Variants in MEF2A observed in about 807,000 individuals in gnomAD.
The protein encoded by MEF2A is myocyte enhancer factor 2A.
MEF2A carries 28 observed loss-of-function variants against 55.8 expected under a neutral mutation model. The observed-to-expected ratio is 0.50, with a 90% CI of 0.37 to 0.69. The LOEUF is 0.69. MEF2A is among the 30% of genes least tolerant of loss of function. MEF2A has a pLI of 0.00. For synonymous variants in MEF2A, 239 were observed against 227.1 expected (o/e 1.05, Z -0.47); for missense variants, 528 against 626.2 (o/e 0.84, Z 1.67).
intron 1 of MEF2A, among the ~76,000 whole-genome samples, chr15:99,577,956 A>G (rs1964815543): frequency 6.6e-6 from 1 of 152,240 alleles, no homozygotes; most frequent in Non-Finnish European, 1.5e-5. Flanking sequence ...CAGGGGCTAC[A>G]GGATGTCACT....
chr15:99,594,085 T>C (rs1446003766), intron 1 of MEF2A, among the ~76,000 whole-genome samples: 2 of 152,176 alleles, frequency 1.3e-5, no homozygotes, highest in Non-Finnish European at 2.9e-5. Flanking sequence ...TGATACTATC[T>C]ACCTGGAGAT....
chr15:99,576,561 C>T (rs887031845), intron 1 of MEF2A, among the ~76,000 whole-genome samples: 2 of 151,462 alleles, frequency 1.3e-5, no homozygotes, highest in African/African-American at 4.9e-5. Context: ...TTGTGGAAAC[C>T]TTTCTTTTAA....
At chr15:99,694,782 T>G (rs1248178376) in intron 8 of MEF2A, among the ~76,000 whole-genome samples, 1 of 152,232 alleles carries the variant, frequency 6.6e-6, no homozygotes, top group Non-Finnish European at 1.5e-5. Context: ...TTATTTGGAA[T>G]TCTTCTGCAC....
intron 2 of MEF2A, among the ~76,000 whole-genome samples, chr15:99,621,299 A>G (rs112221675): frequency 0.024 from 3,719 of 152,232 alleles, 150 homozygotes; most frequent in African/African-American, 0.083. Flanking sequence ...GTAGGCTTCT[A>G]TATTATTCCC....
At chr15:99,647,533 C>T (rs184496451) in intron 4 of MEF2A, among the ~76,000 whole-genome samples, 43 of 152,264 alleles carry the variant, frequency 2.8e-4, no homozygotes, top group Admixed American at 1.3e-3. Context: ...CTAGAGAATA[C>T]GGAGAATGTA....
At chr15:99,647,054 T>C (rs2153487806) in intron 4 of MEF2A, among the ~76,000 whole-genome samples, 1 of 152,286 alleles carries the variant, frequency 6.6e-6, no homozygotes, top group East Asian at 1.9e-4. Flanking sequence ...TACATGGTTA[T>C]ATCTTTAGCT....
At chr15:99,625,741 T>C (rs908402567) in intron 2 of MEF2A, among the ~76,000 whole-genome samples, 2 of 152,152 alleles carry the variant, frequency 1.3e-5, no homozygotes, top group African/African-American at 4.8e-5. Context: ...ATCATGTTTT[T>C]TTTCCCTCTT....
intron 1 of MEF2A, among the ~76,000 whole-genome samples, chr15:99,573,070 C>T (rs987371891): frequency 4.6e-5 from 7 of 152,120 alleles, no homozygotes; most frequent in South Asian, 4.1e-4. Flanking sequence ...GGGCGATTCA[C>T]GAGGTCAGGA....
intron 2 of MEF2A, among the ~76,000 whole-genome samples, chr15:99,617,700 T>G (rs2040442408): frequency 6.6e-6 from 1 of 152,162 alleles, no homozygotes; most frequent in Non-Finnish European, 1.5e-5. Flanking sequence ...TTCTTTGTTA[T>G]TTTCATTTTC....
At chr15:99,660,321 A>G (rs927499309) in intron 4 of MEF2A, among the ~76,000 whole-genome samples, 33 of 151,970 alleles carry the variant, frequency 2.2e-4, no homozygotes, top group African/African-American at 7.0e-4. Context: ...AGAATGACCC[A>G]TTTTCTCTAC....
chr15:99,591,228 T>C (rs779283169), intron 1 of MEF2A, among the ~76,000 whole-genome samples: 1 of 152,226 alleles, frequency 6.6e-6, no homozygotes, highest in Non-Finnish European at 1.5e-5. Flanking sequence ...GGTAACAGAT[T>C]GTCTCAGCTT....
At position 99,632,938 on chromosome 15, in the gene MEF2A, C is replaced by CT. The variant is rs1417061849; in HGVS notation, c.-142-38dup. The CT allele has an allele frequency of 2.2e-5, 11 of 502,470 alleles. No homozygotes were observed. In the African/African-American group the frequency reaches 2.2e-4, roughly 10 times the overall value. 31.1% of individuals were successfully genotyped at this position (502,470 alleles called of 1,614,324 possible). On this transcript the variant is annotated intron_variant, in intron 2 of 11. Coordinates refer to ENST00000557942, the MANE Select transcript of MEF2A (RefSeq NM_001319206.4). ...GTATAACACTTACATGATTTGTAAA[C>CT]TTACAGATTTTAAATCTTCTAATTT...
At chr15:99,666,089 A>G (rs2153598561) in intron 4 of MEF2A, among the ~76,000 whole-genome samples, 1 of 152,314 alleles carries the variant, frequency 6.6e-6, no homozygotes, top group South Asian at 2.1e-4. Flanking sequence ...ATTACTGAAT[A>G]TATACCCAAA....
chr15:99,576,175 G>A (rs1349609671), intron 1 of MEF2A, among the ~76,000 whole-genome samples: 1 of 152,158 alleles, frequency 6.6e-6, no homozygotes, highest in Non-Finnish European at 1.5e-5. Context: ...GAGCCTTTTG[G>A]CTTATTAACC....
chr15:99,657,284 A>G (rs2047897081), intron 4 of MEF2A: 1 of 151,446 alleles, frequency 6.6e-6, no homozygotes, highest in Non-Finnish European at 1.5e-5. Context: ...TTTTTGAGGA[A>G]CTGCCAAACC....
At chr15:99,623,776 T>C (rs1345682141) in intron 2 of MEF2A, among the ~76,000 whole-genome samples, 1 of 152,170 alleles carries the variant, frequency 6.6e-6, no homozygotes, top group Non-Finnish European at 1.5e-5. Context: ...ATTCTGGATA[T>C]TAATCTTGTA....
intron 2 of MEF2A, among the ~76,000 whole-genome samples, chr15:99,623,343 GTGAATAATGC>G (rs2041548044): frequency 6.6e-6 from 1 of 152,106 alleles, no homozygotes; most frequent in African/African-American, 2.4e-5. Flanking sequence ...TTTGACTATT[GTGAATAATGC>G]TTCTATGAAC....
At chr15:99,593,590 A>AT (rs1290051167) in intron 1 of MEF2A, among the ~76,000 whole-genome samples, 1 of 152,118 alleles carries the variant, frequency 6.6e-6, no homozygotes, top group Non-Finnish European at 1.5e-5. Flanking sequence ...TGTGAGTTTC[A>AT]TTTTGGATTG....
intron 5 of MEF2A, among the ~76,000 whole-genome samples, chr15:99,673,835 T>C (rs1218199895): frequency 6.6e-6 from 1 of 150,486 alleles, no homozygotes; most frequent in African/African-American, 2.4e-5. Context: ...TAAACTCAAA[T>C]TGCATTGTTA....
Sources: gnomAD v4.1 joint callset for allele counts (sites outside exome capture counted in the v4.1 genomes callset) on GRCh38, gnomAD v4.1.1 for gene constraint, MANE v1.5 for transcripts, NCBI Gene and HGNC (gene_info 2026-07-23, HGNC 2026-07-21) for gene names.